Variants in BAHCC1 observed in about 807,000 individuals in gnomAD.
BAHCC1 encodes the protein BAH and coiled-coil domain-containing protein 1.
BAHCC1 carries 43 observed loss-of-function variants against 88.2 expected under a neutral mutation model. That is an observed-to-expected ratio of 0.49 (90% confidence interval 0.38 to 0.63). The LOEUF is 0.63. Ranked by LOEUF, BAHCC1 falls within the 20% of genes least tolerant of loss-of-function variation. BAHCC1 has a pLI of 0.00. For synonymous variants in BAHCC1, 1,510 were observed against 745.5 expected (o/e 2.03, Z -16.71); for missense variants, 3,023 against 1,654.8 (o/e 1.83, Z -14.34).
chr17:81,447,341 C>T lies in BAHCC1; in HGVS notation c.3469C>T (p.Leu1157=), dbSNP rs1555654781. The T allele has an allele frequency of 9.4e-6, 7 of 747,382 alleles. No individual in the cohort carries two copies. In the South Asian group the frequency reaches 1.0e-4, roughly 11 times the overall value. 46.3% of individuals were successfully genotyped at this position (747,382 alleles called of 1,614,324 possible). ...CAGCCCACTAGAGGGGCTACAAGAA[C>T]TGCAATGTGCGGCCCTCCTGGAGGC... ...DPSPLEGLQE[L]QCAALLEAGG... The change falls in exon 11 of 28, where the codon CTG becomes TTG. Residue 1157 remains leucine (L), a synonymous_variant. Transcript: ENST00000675386.
At position 81,455,397 on chromosome 17, in the gene BAHCC1, G is replaced by A; in HGVS notation, c.4569+7G>A. 5.6e-6 allele frequency: 4 copies of A among 715,138 alleles called. No individual in the cohort carries two copies. The South Asian group carries it at 5.9e-5, about 11-fold the overall frequency. 44.3% of individuals were successfully genotyped at this position (715,138 alleles called of 1,614,324 possible). The stretch of plus-strand genomic sequence containing the variant: ...CCTGCAGACTGCCTCCGTGGTGAGT[G>A]CCGAGGCGCCCGCCTTGCCCCAGGG... On this transcript the variant is annotated splice_region_variant and intron_variant, in intron 15 of 27. Transcript: ENST00000675386.
chr17:81,445,805 C>T (rs1330354087), intron 10 of BAHCC1, 124 bp downstream of exon 10: 1 of 619,774 alleles, frequency 1.6e-6, no homozygotes, highest in Non-Finnish European at 2.9e-6. Flanking sequence ...AGACCCAGGG[C>T]AGCATGGCTG....
rs374335021 is a variant in BAHCC1, at chr17:81,461,375, G to A, written c.6712G>A (p.Gly2238Arg). The A allele has an allele frequency of 2.8e-5, 20 of 722,168 alleles. No homozygotes were observed. The highest frequency in any genetic ancestry group is 4.1e-5 in the Non-Finnish European group (16 of 392,532). 44.7% of individuals were successfully genotyped at this position (722,168 alleles called of 1,614,324 possible). A position where few individuals can be genotyped will look rare whatever the true frequency, so the allele number is the denominator to read the frequency against. ...MGDKDFSPKL[G>R]RPLPSPSYVH... Reference sequence around the variant, plus strand: ...GGACAAGGACTTCAGCCCCAAGCTCGGGCGGCCCCTGCCCAGCCCCAGCTA... The same window carrying A: ...GGACAAGGACTTCAGCCCCAAGCTCAGGCGGCCCCTGCCCAGCCCCAGCTA... Residue 2238 changes from glycine (G) to arginine (R), a missense_variant, in exon 26 of 28, where the codon GGG (glycine) becomes AGG (arginine). Transcript: ENST00000675386.
chr17:81,418,802 TGTGTGTAC>T (rs1555649137), intron 2 of BAHCC1, among the ~76,000 whole-genome samples: 18 of 60,924 alleles, frequency 3.0e-4, no homozygotes, highest in African/African-American at 1.0e-3. Flanking sequence ...TGTGCGTGTG[TGTGTGTAC>T]GTGTGTGTGT....
At chr17:81,410,122 C>T (rs905186190) in intron 2 of BAHCC1, 5 of 304,600 alleles carry the variant, frequency 1.6e-5, no homozygotes, top group Admixed American at 3.8e-5. Context: ...GTTGTGGCCC[C>T]GGTGCCCTCC....
At chr17:81,421,439 G>A (rs1281470090) in intron 2 of BAHCC1, among the ~76,000 whole-genome samples, 2 of 152,230 alleles carry the variant, frequency 1.3e-5, no homozygotes, top group African/African-American at 2.4e-5. Context: ...CAGTAGAGGC[G>A]TGATGCTCTG....
At chr17:81,432,400 C>T in intron 3 of BAHCC1, among the ~76,000 whole-genome samples, 1 of 152,184 alleles carries the variant, frequency 6.6e-6, no homozygotes, top group Middle Eastern at 3.4e-3. Flanking sequence ...AAGGGAGTTC[C>T]CTGGTAGCCA....
chr17:81,441,969 C>A lies in BAHCC1; in HGVS notation c.620C>A (p.Ser207Tyr). Residue 207 changes from serine (S) to tyrosine (Y), a missense_variant, in exon 5 of 28, where the codon TCC becomes TAC. Coordinates refer to ENST00000675386, the MANE Select transcript of BAHCC1 (RefSeq NM_001377448.1). ...GATCGAGACCGGGGTGAGGCAGGCT[C>A]CCTGCAGAAGGGCCCCAAGGACTTC... is the stretch of plus-strand genomic sequence containing the variant. ...SRDRDRGEAG[S>Y]LQKGPKDFDR... The A allele has an allele frequency of 1.3e-6, 1 of 752,506 alleles. No homozygotes were observed. Among genetic ancestry groups the A allele is most frequent in the Non-Finnish European group, 2.5e-6 (1 of 399,380 alleles). 46.6% of individuals were successfully genotyped at this position (752,506 alleles called of 1,614,324 possible). A position where few individuals can be genotyped will look rare whatever the true frequency, so the allele number is the denominator to read the frequency against.
rs1555659908 is a variant in BAHCC1 at position 81,462,879 on chromosome 17, G to A, written c.7523G>A (p.Ser2508Asn). ...PNLPYIGRIESMWESWGSNMV... is the reference protein window; with the variant it reads ...PNLPYIGRIENMWESWGSNMV... ...CTCCCCTACATCGGCCGCATCGAGAGCATGTGGGAGTCGTGGGGCAGCAAC... is the reference window on the plus strand; with the variant it reads ...CTCCCCTACATCGGCCGCATCGAGAACATGTGGGAGTCGTGGGGCAGCAAC... The change falls in exon 27 of 28, where the codon AGC becomes AAC. Residue 2508 changes from serine (S) to asparagine (N), a missense_variant. Physicochemically the swap from Ser to Asn is conservative, Grantham distance 46. Transcript: ENST00000675386. 1.3e-5 allele frequency: 10 copies of A among 785,014 alleles called. No individual in the cohort carries two copies. The highest frequency in any genetic ancestry group is 2.4e-5 in the Non-Finnish European group (10 of 422,112). The allele number at this position is 785,014 out of a possible 1,614,324, so 48.6% of individuals were successfully genotyped here.
Position 81,436,730 on chromosome 17 carries a change from C to A in BAHCC1, c.359-1640C>A, listed in dbSNP as rs570776320. ...CAGTCGGCCAGGCTCGAGCCTCAGC[C>A]CCGTGTCCTCAGCTGGAGGGCAGCT... On this transcript the variant is annotated intron_variant, in intron 3 of 27. Coordinates refer to ENST00000675386, the MANE Select transcript of BAHCC1 (RefSeq NM_001377448.1). 5.9e-5 allele frequency among the ~76,000 whole-genome samples: 9 copies of A among 152,324 alleles called. No individual in the cohort carries two copies. The South Asian group carries it at 1.5e-3, about 25-fold the overall frequency.
chr17:81,437,975 G>A (rs371001943), intron 3 of BAHCC1, among the ~76,000 whole-genome samples: 89 of 152,336 alleles, frequency 5.8e-4, no homozygotes, highest in African/African-American at 1.6e-3. Context: ...GGCCAAGTCC[G>A]GGCCTGGTTC....
intron 4 of BAHCC1, among the ~76,000 whole-genome samples, chr17:81,439,525 G>A (rs1555652200): frequency 1.3e-5 from 2 of 151,702 alleles, no homozygotes; most frequent in East Asian, 2.0e-4. Flanking sequence ...AAGGGGATCC[G>A]AGAGGTGTCT....
In BAHCC1 at chr17:81,452,870, C is replaced by T; in HGVS notation, c.4445+19C>T. ...AAGTCAAGTGAGTCCTGGGCACTGG[C>T]ATGGCAGGGCGCGTGTGGCCGGCCC... On this transcript the variant is annotated intron_variant, in intron 14 of 27. Transcript: ENST00000675386. The T allele has an allele frequency of 1.4e-6, 1 of 725,390 alleles. No individual in the cohort carries two copies. Among genetic ancestry groups the T allele is most frequent in the Non-Finnish European group, 2.5e-6 (1 of 396,060 alleles). The allele number at this position is 725,390 out of a possible 1,614,324, so 44.9% of individuals were successfully genotyped here.
rs1360356775 is a variant in BAHCC1, at chr17:81,411,809, T to C, written c.178+11892T>C. On this transcript the variant is annotated intron_variant, in intron 2 of 27. Coordinates refer to ENST00000675386, the MANE Select transcript of BAHCC1 (RefSeq NM_001377448.1). The surrounding 1 kb of genome is among the most constrained non-coding windows in gnomAD (Gnocchi z 6.2). ...TTGCCTCTACCCACACCTGCACGCCTCAGCAAGGTCGTTCCCGACAAGCCC... is the reference window on the plus strand; with the variant it reads ...TTGCCTCTACCCACACCTGCACGCCCCAGCAAGGTCGTTCCCGACAAGCCC... Among the ~76,000 whole-genome samples, 1 of 152,104 alleles carries C rather than the reference T, an allele frequency of 6.6e-6. No homozygotes were observed. The highest frequency in any genetic ancestry group is 1.5e-5 in the Non-Finnish European group (1 of 67,996).
chr17:81,430,589 C>T (rs919960224), intron 3 of BAHCC1, among the ~76,000 whole-genome samples: 5 of 152,188 alleles, frequency 3.3e-5, no homozygotes, highest in Non-Finnish European at 7.3e-5. Flanking sequence ...TCTCAGGACT[C>T]GCTGGTGCTG....
intron 11 of BAHCC1, 143 bp from the exon 12 acceptor site, chr17:81,451,524 GC>G: frequency 1.7e-6 from 1 of 603,860 alleles, no homozygotes. Flanking sequence ...CAGCCCTGGT[GC>G]CCACCTCACT....
chr17:81,416,024 GAGGATGGGTGTA>G (rs2064017065), intron 2 of BAHCC1, among the ~76,000 whole-genome samples: 1 of 150,562 alleles, frequency 6.6e-6, no homozygotes, highest in African/African-American at 2.5e-5. Context: ...GTGTGTCCAT[GAGGATGGGTGTA>G]TGCGCATGTG....
At chr17:81,414,431 C>T (rs2063993383) in intron 2 of BAHCC1, among the ~76,000 whole-genome samples, 1 of 152,162 alleles carries the variant, frequency 6.6e-6, no homozygotes, top group South Asian at 2.1e-4. Flanking sequence ...GTGCTGAGGG[C>T]ACTAGGAGCT....
At chr17:81,427,272 A>C (rs2064211351) in intron 3 of BAHCC1, among the ~76,000 whole-genome samples, 1 of 152,132 alleles carries the variant, frequency 6.6e-6, no homozygotes, top group South Asian at 2.1e-4. Context: ...AGCTGAGAAA[A>C]TGTGGAGCAC....
Sources: gnomAD v4.1 joint callset for allele counts (sites outside exome capture counted in the v4.1 genomes callset) on GRCh38, gnomAD v4.1.1 for gene constraint, Gnocchi (gnomAD v3.1) non-coding constraint, MANE v1.5 for transcripts, NCBI Gene and HGNC (gene_info 2026-07-23, HGNC 2026-07-21) for gene names.